The following GALNT2 variants were observed in gnomAD, a reference collection of about 807,000 sequenced individuals.
The protein encoded by GALNT2 is polypeptide N-acetylgalactosaminyltransferase 2, also known as UDP-GalNAc:polypeptide N-acetylgalactosaminyltransferase 2.
Under a neutral mutation model 81.4 loss-of-function variants are expected in GALNT2, and 31 were observed. That is an observed-to-expected ratio of 0.38 (90% CI 0.29 to 0.51). GALNT2 has a LOEUF of 0.51. GALNT2 is among the 20% of genes least tolerant of loss of function. The pLI is 0.87. For missense variants in GALNT2, 629 were observed against 765.7 expected (o/e 0.82, Z 2.11); for synonymous variants, 303 against 287.4 (o/e 1.05, Z -0.55).
chr1:230,206,772 TCC>T (rs1308940909), intron 3 of GALNT2, among the ~76,000 whole-genome samples: 2 of 152,078 alleles, frequency 1.3e-5, no homozygotes, highest in East Asian at 3.9e-4. Context: ...GTGTTTGGAG[TCC>T]TACAGACCTG....
chr1:230,254,307 G>A (rs1665639264), intron 10 of GALNT2, among the ~76,000 whole-genome samples: 1 of 152,042 alleles, frequency 6.6e-6, no homozygotes, highest in Non-Finnish European at 1.5e-5. Context: ...GGCAGTCTGT[G>A]TGTTTAAGTA....
intron 1 of GALNT2, among the ~76,000 whole-genome samples, chr1:230,102,801 G>T (rs1466123466): frequency 6.6e-6 from 1 of 152,150 alleles, no homozygotes; most frequent in Non-Finnish European, 1.5e-5. Flanking sequence ...ACAGAGTCTT[G>T]GGTGGTGGAA....
chr1:230,236,288 T>C (rs970991241), intron 4 of GALNT2, 65 bp from the exon 5 acceptor site: 4 of 1,520,112 alleles, frequency 2.6e-6, no homozygotes, highest in Non-Finnish European at 3.6e-6. Flanking sequence ...GAGAATTTTC[T>C]ACCCCAGGCT....
chr1:230,260,116 G>A (rs911039627), intron 11 of GALNT2, among the ~76,000 whole-genome samples: 2 of 152,204 alleles, frequency 1.3e-5, no homozygotes, highest in South Asian at 4.1e-4. Flanking sequence ...TCATGTTGGT[G>A]CTCAAAAAGT....
At chr1:230,207,827 C>T (rs538197622) in intron 3 of GALNT2, among the ~76,000 whole-genome samples, 15 of 152,280 alleles carry the variant, frequency 9.9e-5, no homozygotes, top group South Asian at 4.1e-4. Flanking sequence ...GCAATTCTCC[C>T]GCCTTGGCCT....
At chr1:230,256,272 C>T (rs553613023) in intron 11 of GALNT2, among the ~76,000 whole-genome samples, 6 of 152,166 alleles carry the variant, frequency 3.9e-5, no homozygotes, top group South Asian at 2.1e-4. Context: ...ACATGGAAAC[C>T]GCATCTCTAC....
chr1:230,128,305 TGTC>T (rs1661257114), intron 1 of GALNT2, among the ~76,000 whole-genome samples: 1 of 145,568 alleles, frequency 6.9e-6, no homozygotes, highest in South Asian at 2.3e-4. Flanking sequence ...GACCTTCGCT[TGTC>T]GTGGTGTGTA....
At position 230,279,852 on chromosome 1, in the gene GALNT2, G is replaced by A. The variant is rs1417815706; in HGVS notation, c.*394G>A. ...GAGGGGGCACACATGCCCCAGGGGA[G>A]CGAGGAGAACTCTTGAAATCTCCAT... On this transcript the variant is annotated 3_prime_UTR_variant, in exon 16 of 16. Coordinates refer to ENST00000366672, the MANE Select transcript of GALNT2 (RefSeq NM_004481.5). The surrounding 1 kb of genome is among the most constrained non-coding windows in gnomAD (Gnocchi z 4.6). 4 of 468,894 alleles carry A rather than the reference G, an allele frequency of 8.5e-6. No homozygotes were observed. Among genetic ancestry groups the A allele is most frequent in the African/African-American group, 2.0e-5 (1 of 50,640 alleles). 29.0% of individuals were successfully genotyped at this position (468,894 alleles called of 1,614,324 possible). A position where few individuals can be genotyped will look rare whatever the true frequency, so the allele number is the denominator to read the frequency against.
At chr1:230,057,928 G>A (rs903374011), upstream of GALNT2, 1 of 435,804 alleles carries the variant, frequency 2.3e-6, no homozygotes. Context: ...TGTCGTCCGG[G>A]GCTAGGAGGA....
intron 1 of GALNT2, among the ~76,000 whole-genome samples, chr1:230,160,488 G>A (rs1285920161): frequency 6.6e-6 from 1 of 152,102 alleles, no homozygotes; most frequent in African/African-American, 2.4e-5. Flanking sequence ...AAGGCAGGTG[G>A]ATCACCTGAG....
chr1:230,067,212 C>A (rs1355661228), upstream of GALNT2: 4 of 1,047,518 alleles, frequency 3.8e-6, no homozygotes, highest in Non-Finnish European at 4.8e-6. Context: ...CCGGCCCCCA[C>A]CGCGCCCGCG....
At chr1:230,244,148 T>C (rs1048396566) in intron 7 of GALNT2, among the ~76,000 whole-genome samples, 3 of 151,966 alleles carry the variant, frequency 2.0e-5, no homozygotes, top group African/African-American at 7.3e-5. Context: ...AACAAGTAGT[T>C]CTGCCTAAGC....
chr1:230,108,529 A>G (rs1660607674), intron 1 of GALNT2, among the ~76,000 whole-genome samples: 2 of 152,240 alleles, frequency 1.3e-5, no homozygotes, highest in Admixed American at 6.5e-5. Flanking sequence ...GATGGGATAT[A>G]TAAGGATGAG....
chr1:230,214,901 T>C (rs567046611), intron 3 of GALNT2, among the ~76,000 whole-genome samples: 2 of 152,352 alleles, frequency 1.3e-5, no homozygotes, highest in South Asian at 4.1e-4. Flanking sequence ...CTCTGTCTAG[T>C]CTGCTTTTAA....
Position 230,280,643 on chromosome 1 carries a change from T to G in GALNT2, c.*1185T>G, listed in dbSNP as rs1666411506. 6.6e-6 allele frequency: 1 copy of G among 150,788 alleles called. No individual in the cohort carries two copies. Among genetic ancestry groups the G allele is most frequent in the Non-Finnish European group, 1.5e-5 (1 of 68,422 alleles). The allele number at this position is 150,788 out of a possible 1,614,324, so 9.3% of individuals were successfully genotyped here. A position where few individuals can be genotyped will look rare whatever the true frequency, so the allele number is the denominator to read the frequency against. ...CCGTCAGCCAGGGCACAGGCCTGGC[T>G]CACAGTCCTGCACACCTGCTGGCCT... On this transcript the variant is annotated 3_prime_UTR_variant, in exon 16 of 16. Transcript: ENST00000366672.
upstream of GALNT2, among the ~76,000 whole-genome samples, chr1:230,066,528 C>T (rs1426098895): frequency 6.6e-6 from 1 of 152,226 alleles, no homozygotes; most frequent in Non-Finnish European, 1.5e-5. Flanking sequence ...AAAACCTCCA[C>T]ATCTGCCTAT....
At chr1:230,250,427 C>G in intron 9 of GALNT2, 30 bp from the exon 10 acceptor site, 3 of 1,571,098 alleles carry the variant, frequency 1.9e-6, no homozygotes, top group Non-Finnish European at 2.6e-6. Context: ...GCCCTCTCCT[C>G]CCTCCCCCCT....
intron 1 of GALNT2, among the ~76,000 whole-genome samples, chr1:230,079,291 T>A (rs1189024322): frequency 6.6e-6 from 1 of 152,288 alleles, no homozygotes; most frequent in African/African-American, 2.4e-5. Flanking sequence ...ATGTCAGCTT[T>A]GTCTCTGAGA....
chr1:230,203,359 C>T, intron 3 of GALNT2, 69 bp downstream of exon 3: 4 of 1,528,694 alleles, frequency 2.6e-6, no homozygotes, highest in Non-Finnish European at 3.6e-6. Flanking sequence ...TCGCTTTCAC[C>T]TGTGACACTA....
Sources: gnomAD v4.1 joint callset for allele counts (sites outside exome capture counted in the v4.1 genomes callset) on GRCh38, gnomAD v4.1.1 for gene constraint, Gnocchi (gnomAD v3.1) non-coding constraint, MANE v1.5 for transcripts, NCBI Gene and HGNC (gene_info 2026-07-23, HGNC 2026-07-21) for gene names.